Variants in TRPM3 observed in about 807,000 individuals in gnomAD.
TRPM3 encodes the protein long transient receptor potential channel 3.
A neutral mutation model predicts 181.2 loss-of-function variants in TRPM3; 77 were observed. The observed-to-expected ratio is 0.42, with a 90% CI of 0.35 to 0.51. The LOEUF is 0.51. Ranked by LOEUF, TRPM3 falls within the 20% of genes least tolerant of loss-of-function variation. The pLI is 0.01. For synonymous variants in TRPM3, 745 were observed against 796.4 expected (o/e 0.94, Z 1.09); for missense variants, 1,759 against 2,196.7 (o/e 0.80, Z 3.98).
At chr9:71,127,011 T>C (rs950926386) in intron 1 of TRPM3, among the ~76,000 whole-genome samples, 1 of 151,726 alleles carries the variant, frequency 6.6e-6, no homozygotes, top group Non-Finnish European at 1.5e-5. Flanking sequence ...CTTCTTTACA[T>C]GGGGGATCTT....
At chr9:71,199,947 T>A (rs1402927920) in intron 1 of TRPM3, among the ~76,000 whole-genome samples, 2 of 152,234 alleles carry the variant, frequency 1.3e-5, no homozygotes, top group East Asian at 3.8e-4. Context: ...CTTTTCTAGT[T>A]CTTTTAATTG....
At chr9:71,355,056 C>T (rs1192893680) in intron 1 of TRPM3, among the ~76,000 whole-genome samples, 4 of 152,124 alleles carry the variant, frequency 2.6e-5, no homozygotes, top group African/African-American at 9.7e-5. Flanking sequence ...GAAGTGTCTC[C>T]GTTTCAAATG....
chr9:70,583,898 C>T (rs903033229), intron 22 of TRPM3, among the ~76,000 whole-genome samples: 2 of 152,176 alleles, frequency 1.3e-5, no homozygotes, highest in African/African-American at 4.8e-5. Flanking sequence ...GCAAGCTCCT[C>T]CAGCCACCCA....
At chr9:71,162,514 T>C (rs1439468649) in intron 1 of TRPM3, among the ~76,000 whole-genome samples, 2 of 152,156 alleles carry the variant, frequency 1.3e-5, no homozygotes, top group East Asian at 3.9e-4. Flanking sequence ...TATAGCTTCA[T>C]GCAATATTAC....
intron 1 of TRPM3, among the ~76,000 whole-genome samples, chr9:71,279,320 G>A (rs191139858): frequency 6.6e-6 from 1 of 152,190 alleles, no homozygotes; most frequent in Admixed American, 6.5e-5. Flanking sequence ...CTCCAAATAC[G>A]GATAGTTACA....
intron 1 of TRPM3, among the ~76,000 whole-genome samples, chr9:70,947,698 G>A (rs1396502266): frequency 6.6e-6 from 1 of 152,138 alleles, no homozygotes; most frequent in Non-Finnish European, 1.5e-5. Context: ...GAGGCTCCAA[G>A]ACACCATTTT....
intron 1 of TRPM3, among the ~76,000 whole-genome samples, chr9:71,087,624 G>C (rs1591314889): frequency 6.6e-6 from 1 of 152,088 alleles, no homozygotes; most frequent in South Asian, 2.1e-4. Context: ...CTGCATGACT[G>C]GGTACATTCT....
intron 1 of TRPM3, among the ~76,000 whole-genome samples, chr9:70,913,375 C>A (rs1245766084): frequency 6.6e-6 from 1 of 152,144 alleles, no homozygotes; most frequent in South Asian, 2.1e-4. Context: ...GTAGTGACCT[C>A]TTTTTCATTG....
chr9:70,622,220 C>T (rs892556283), intron 14 of TRPM3, among the ~76,000 whole-genome samples: 1 of 152,020 alleles, frequency 6.6e-6, no homozygotes. Flanking sequence ...TCTGCTCGTC[C>T]CTAGATATTG....
At chr9:71,099,143 C>T (rs1347166265) in intron 1 of TRPM3, among the ~76,000 whole-genome samples, 3 of 152,130 alleles carry the variant, frequency 2.0e-5, no homozygotes, top group Admixed American at 6.6e-5. Flanking sequence ...CTGGGAAGTT[C>T]AAGATGAAGG....
intron 1 of TRPM3, among the ~76,000 whole-genome samples, chr9:71,280,936 TA>T (rs1331256095): frequency 1.3e-5 from 2 of 152,244 alleles, no homozygotes; most frequent in African/African-American, 4.8e-5. Context: ...TTATAGCATT[TA>T]TCAGATTCAC....
At chr9:71,356,306 A>G (rs1202170276) in intron 1 of TRPM3, among the ~76,000 whole-genome samples, 2 of 152,090 alleles carry the variant, frequency 1.3e-5, no homozygotes, top group Non-Finnish European at 2.9e-5. Context: ...TGTTAAGCCT[A>G]GTACCCATTA....
intron 1 of TRPM3, among the ~76,000 whole-genome samples, chr9:71,076,056 T>C (rs182848095): frequency 6.6e-6 from 1 of 152,236 alleles, no homozygotes; most frequent in African/African-American, 2.4e-5. Flanking sequence ...TACGTTTACG[T>C]AAAACAAACC....
At chr9:70,609,318 G>GAA in intron 19 of TRPM3, among the ~76,000 whole-genome samples, 1 of 152,292 alleles carries the variant, frequency 6.6e-6, no homozygotes, top group East Asian at 1.9e-4. Context: ...TATATGAATA[G>GAA]AAACGATTTT....
intron 1 of TRPM3, among the ~76,000 whole-genome samples, chr9:71,424,186 T>C (rs942434614): frequency 6.6e-6 from 1 of 152,182 alleles, no homozygotes; most frequent in Admixed American, 6.6e-5. Flanking sequence ...ATTAAGACCA[T>C]TTCTTCACTT....
intron 1 of TRPM3, among the ~76,000 whole-genome samples, chr9:71,114,208 T>G (rs1200218455): frequency 6.6e-6 from 1 of 152,138 alleles, no homozygotes; most frequent in African/African-American, 2.4e-5. Flanking sequence ...ATAAAACTCA[T>G]CAATGATATC....
intron 1 of TRPM3, among the ~76,000 whole-genome samples, chr9:71,315,782 C>T (rs1027519710): frequency 6.6e-6 from 1 of 152,104 alleles, no homozygotes; most frequent in African/African-American, 2.4e-5. Context: ...GTTTTTGTGA[C>T]AACTGGGACT....
At chr9:70,910,387 G>A (rs1238755705) in intron 1 of TRPM3, among the ~76,000 whole-genome samples, 2 of 152,050 alleles carry the variant, frequency 1.3e-5, no homozygotes, top group Admixed American at 6.6e-5. Flanking sequence ...TGGGGGAGGA[G>A]GCTATGAATA....
intron 1 of TRPM3, among the ~76,000 whole-genome samples, chr9:70,986,866 G>A (rs188096828): frequency 2.6e-5 from 4 of 151,980 alleles, no homozygotes; most frequent in Admixed American, 6.6e-5. Flanking sequence ...AAGGAGTATC[G>A]TTTAACCAAA....
Sources: gnomAD v4.1 joint callset for allele counts (sites outside exome capture counted in the v4.1 genomes callset) on GRCh38, gnomAD v4.1.1 for gene constraint, MANE v1.5 for transcripts, NCBI Gene and HGNC (gene_info 2026-07-23, HGNC 2026-07-21) for gene names.